The following AFAP1 variants were observed in gnomAD, a reference collection of about 807,000 sequenced individuals.
AFAP1 encodes actin filament associated protein 1, also known as actin filament-associated protein 1.
AFAP1 carries 75 observed loss-of-function variants against 93.9 expected under a neutral mutation model. The observed-to-expected ratio is 0.80, with a 90% CI of 0.66 to 0.97. AFAP1 has a LOEUF of 0.97. Among genes scored for constraint, AFAP1 ranks in the 50% least tolerant of loss-of-function variants. AFAP1 has a pLI of 0.00. For missense variants in AFAP1, 1,201 were observed against 1,050.8 expected, an observed-to-expected ratio of 1.14 and a Z score of -1.98; for synonymous variants, 517 against 430.7, an observed-to-expected ratio of 1.20 and a Z score of -2.48.
At chr4:7,826,588 T>C (rs1721441001) in intron 6 of AFAP1, among the ~76,000 whole-genome samples, 1 of 152,262 alleles carries the variant, frequency 6.6e-6, no homozygotes, top group African/African-American at 2.4e-5. Context: ...CTGGCACTTG[T>C]CTGTAGCACA....
At chr4:7,928,796 CCCA>C (rs1427079071) in intron 1 of AFAP1, among the ~76,000 whole-genome samples, 7 of 152,262 alleles carry the variant, frequency 4.6e-5, no homozygotes, top group African/African-American at 1.7e-4. Flanking sequence ...TCATACTCGT[CCCA>C]CCTGTCTGCC....
At chr4:7,932,218 G>GA (rs921737850) in intron 1 of AFAP1, among the ~76,000 whole-genome samples, 4 of 144,978 alleles carry the variant, frequency 2.8e-5, no homozygotes, top group Admixed American at 7.3e-5. Context: ...TATTGCACAG[G>GA]AAAAAAAACT....
At position 7,762,526 on chromosome 4, in the gene AFAP1, CA is replaced by C. The variant is rs1486852759; in HGVS notation, c.*1238del. Reference sequence around the variant, plus strand: ...AAGAAGTTAATCTGATTTTTAAACCCAGGGGGTAAATACCAGCTCAAACTAT... The same window carrying C: ...AAGAAGTTAATCTGATTTTTAAACCCGGGGGTAAATACCAGCTCAAACTAT... On this transcript the variant is annotated 3_prime_UTR_variant, in exon 18 of 18. Coordinates refer to ENST00000420658, the MANE Select transcript of AFAP1 (RefSeq NM_001134647.2). 10 of 152,236 alleles carry C rather than the reference CA, an allele frequency of 6.6e-5. No individual in the cohort carries two copies. The highest frequency in any genetic ancestry group is 3.9e-4 in the Admixed American group (6 of 15,284). The allele number at this position is 152,236 out of a possible 1,614,324, so 9.4% of individuals were successfully genotyped here.
intron 1 of AFAP1, among the ~76,000 whole-genome samples, chr4:7,906,463 C>T (rs147828391): frequency 1.3e-5 from 2 of 152,154 alleles, no homozygotes; most frequent in African/African-American, 4.8e-5. Context: ...TTTCCACCCC[C>T]CTATTCCGGA....
intron 6 of AFAP1, among the ~76,000 whole-genome samples, chr4:7,834,092 T>TACACACACATAC (rs750352147): frequency 7.9e-6 from 1 of 126,588 alleles, no homozygotes; most frequent in African/African-American, 3.2e-5. Context: ...AACTGTGGCA[T>TACACACACATAC]ACACACACAC....
chr4:7,789,253 G>C (rs1224624740), intron 11 of AFAP1, among the ~76,000 whole-genome samples: 2 of 152,160 alleles, frequency 1.3e-5, no homozygotes, highest in Non-Finnish European at 2.9e-5. Context: ...AAGTGGAAAT[G>C]AAGTAAGAGG....
chr4:7,806,412 G>A (rs762980376), intron 9 of AFAP1, among the ~76,000 whole-genome samples: 1 of 151,988 alleles, frequency 6.6e-6, no homozygotes, highest in African/African-American at 2.4e-5. Flanking sequence ...TTAGGGGAAC[G>A]GCTGACCCAG....
At chr4:7,826,538 T>A (rs1314327392) in intron 6 of AFAP1, among the ~76,000 whole-genome samples, 9 of 152,238 alleles carry the variant, frequency 5.9e-5, no homozygotes, top group African/African-American at 2.2e-4. Flanking sequence ...AGCTGGCCGG[T>A]AGGCCAAAAA....
chr4:7,817,007 G>T (rs1331454776), intron 7 of AFAP1, among the ~76,000 whole-genome samples: 1 of 152,202 alleles, frequency 6.6e-6, no homozygotes, highest in African/African-American at 2.4e-5. Context: ...CAGGGCAACA[G>T]GTCCAGCCAG....
chr4:7,920,162 T>C (rs1331749452), intron 1 of AFAP1, among the ~76,000 whole-genome samples: 2 of 152,214 alleles, frequency 1.3e-5, no homozygotes, highest in South Asian at 4.1e-4. Context: ...TACCCGGTAA[T>C]GGGATTGCTG....
chr4:7,850,721 A>C (rs961471655), intron 4 of AFAP1, among the ~76,000 whole-genome samples: 1 of 152,234 alleles, frequency 6.6e-6, no homozygotes, highest in Non-Finnish European at 1.5e-5. Context: ...CCATGGGCTC[A>C]GGTCCCCCAG....
rs114209555 is a variant in AFAP1 at position 7,868,278 on chromosome 4, C to G, written c.225+344G>C. Among the ~76,000 whole-genome samples the G allele has an allele frequency of 3.5e-3, 535 of 152,234 alleles. 3 individuals are homozygous for G. The highest frequency in any genetic ancestry group is 0.012 in the African/African-American group (509 of 41,546). ...TTAACTCAGAAGAGAGTCAAGTCCACAAGGTCTACAGATACTTTTGTCTGC... is the reference window on the plus strand; with the variant it reads ...TTAACTCAGAAGAGAGTCAAGTCCAGAAGGTCTACAGATACTTTTGTCTGC... On this transcript the variant is annotated intron_variant, in intron 3 of 17. Transcript: ENST00000420658.
At chr4:7,770,304 G>A (rs573596170) in intron 16 of AFAP1, among the ~76,000 whole-genome samples, 1 of 152,300 alleles carries the variant, frequency 6.6e-6, no homozygotes. Context: ...GGAAGAATGT[G>A]GAGCCACCAT....
At chr4:7,785,587 C>A (rs1717184680) in intron 12 of AFAP1, among the ~76,000 whole-genome samples, 1 of 152,206 alleles carries the variant, frequency 6.6e-6, no homozygotes, top group Non-Finnish European at 1.5e-5. Flanking sequence ...CCAAGTATTA[C>A]TCTAACATGT....
chr4:7,912,026 G>A (rs1577353745), intron 1 of AFAP1, among the ~76,000 whole-genome samples: 1 of 152,182 alleles, frequency 6.6e-6, no homozygotes, highest in East Asian at 1.9e-4. Context: ...AGGACAGAGA[G>A]AAAATGCATT....
chr4:7,776,677 C>T (rs558329158), intron 14 of AFAP1: 1 of 152,246 alleles, frequency 6.6e-6, no homozygotes, highest in South Asian at 2.1e-4. Flanking sequence ...TCAATTTTCC[C>T]CTAATCAAAA....
At chr4:7,851,526 T>TA (rs1714438961) in intron 4 of AFAP1, among the ~76,000 whole-genome samples, 1 of 152,158 alleles carries the variant, frequency 6.6e-6, no homozygotes, top group Non-Finnish European at 1.5e-5. Flanking sequence ...GCACATGATG[T>TA]AAACAGACCT....
At chr4:7,850,514 G>A (rs909409670) in intron 4 of AFAP1, among the ~76,000 whole-genome samples, 14 of 152,244 alleles carry the variant, frequency 9.2e-5, no homozygotes, top group Non-Finnish European at 1.3e-4. Flanking sequence ...CAGCCAATGA[G>A]CGTTGTAGTG....
intron 15 of AFAP1, chr4:7,774,511 G>A (rs1577187752): frequency 1.7e-6 from 1 of 578,116 alleles, no homozygotes; most frequent in Admixed American, 3.6e-5. Context: ...AGCAGCGTGT[G>A]GGTCTGGCCC....
Sources: allele counts gnomAD v4.1 joint callset (sites outside exome capture counted in the v4.1 genomes callset), GRCh38; gene constraint gnomAD v4.1.1; transcripts MANE v1.5; gene names NCBI Gene and HGNC (gene_info 2026-07-23, HGNC 2026-07-21).